Variants in DNAH6 observed in about 807,000 individuals in gnomAD.
DNAH6 encodes axonemal beta dynein heavy chain 6.
In DNAH6, 340 loss-of-function variants were observed where a neutral mutation model predicts 491.4. The ratio of observed to expected loss-of-function variants is 0.69; its 90% CI spans 0.63 to 0.76. The LOEUF (loss-of-function observed/expected upper bound fraction) is 0.76. DNAH6 is among the 30% of genes least tolerant of loss of function. The pLI, the probability that DNAH6 is intolerant of heterozygous loss-of-function variation, is 0.00. For synonymous variants in DNAH6, 1,603 were observed against 1,686.1 expected (o/e 0.95, Z 1.21); for missense variants, 4,443 against 4,972.2 (o/e 0.89, Z 3.20).
chr2:84,591,753 C>T (rs1684137636), intron 16 of DNAH6, among the ~76,000 whole-genome samples: 1 of 152,086 alleles, frequency 6.6e-6, no homozygotes, highest in South Asian at 2.1e-4. Context: ...TACTAGCATG[C>T]ATTCAGACAT....
At chr2:84,516,691 G>C (rs987941930) in intron 1 of DNAH6, 108 bp downstream of exon 1, 5 of 152,326 alleles carry the variant, frequency 3.3e-5, no homozygotes, top group Middle Eastern at 3.4e-3. Context: ...AAAATCAATG[G>C]AAAGGCATTT....
the DNAH6 span, among the ~76,000 whole-genome samples, chr2:84,485,415 G>T: frequency 7.4e-4 from 113 of 152,158 alleles, no homozygotes; most frequent in East Asian, 0.021. Context: ...GGGCCTTTGG[G>T]TGTCCACTCA....
At chr2:84,678,847 TG>T (rs1445855436) in intron 41 of DNAH6, among the ~76,000 whole-genome samples, 1 of 152,214 alleles carries the variant, frequency 6.6e-6, no homozygotes, top group African/African-American at 2.4e-5. Context: ...TGAGAGATTC[TG>T]GGGGCTACCA....
intron 2 of DNAH6, among the ~76,000 whole-genome samples, chr2:84,520,937 A>G (rs1483472460): frequency 6.6e-6 from 1 of 152,078 alleles, no homozygotes; most frequent in Non-Finnish European, 1.5e-5. Context: ...CAGTAGTGGG[A>G]TTACTGGCTC....
chr2:84,480,303 A>T, the DNAH6 span, among the ~76,000 whole-genome samples: 1 of 152,108 alleles, frequency 6.6e-6, no homozygotes, highest in Non-Finnish European at 1.5e-5. Context: ...TAGGACCCAG[A>T]CTCTGTGAAG....
chr2:84,761,587 G>C (rs552019019), intron 63 of DNAH6, among the ~76,000 whole-genome samples: 8 of 152,216 alleles, frequency 5.3e-5, no homozygotes, highest in African/African-American at 1.4e-4. Context: ...AGCTCCAAAC[G>C]TGATGGCCCT....
At chr2:84,804,789 G>A (rs765347099) in intron 70 of DNAH6, among the ~76,000 whole-genome samples, 1 of 151,996 alleles carries the variant, frequency 6.6e-6, no homozygotes, top group South Asian at 2.1e-4. Context: ...ACAGTTCAGT[G>A]GCATTAAGTA....
At position 84,624,994 on chromosome 2, in the gene DNAH6, C is replaced by A; in HGVS notation, c.4446C>A (p.Thr1482=). ...GPAGTGKTET[T]KDLAKALAIQ... Reference sequence around the variant, plus strand: ...CTGGCACTGGGAAAACAGAGACTACCAAAGATCTGGCAAAAGCTCTTGCCA... The same window carrying A: ...CTGGCACTGGGAAAACAGAGACTACAAAAGATCTGGCAAAAGCTCTTGCCA... Residue 1482 remains threonine, a synonymous_variant, in exon 29 of 77, where the codon ACC becomes ACA. Transcript: ENST00000389394. 2 of 1,551,590 alleles carry A rather than the reference C, an allele frequency of 1.3e-6. No individual in the cohort carries two copies. Among genetic ancestry groups the A allele is most frequent in the Non-Finnish European group, 1.7e-6 (2 of 1,146,912 alleles).
intron 75 of DNAH6, among the ~76,000 whole-genome samples, chr2:84,814,457 C>T (rs1680299445): frequency 6.6e-6 from 1 of 152,332 alleles, no homozygotes; most frequent in East Asian, 1.9e-4. Context: ...AATTCTGACA[C>T]TACCTTTCAC....
chr2:84,547,613 G>GT lies in DNAH6; in HGVS notation c.1186+2dup. On this transcript the variant is annotated splice_donor_variant, in intron 7 of 76. Transcript: ENST00000389394. LOFTEE classifies it high-confidence loss of function. Reference sequence around the variant, plus strand: ...GACTGTGCATTTGGACCTTTTGAGGGTATGAAGGGGAAAGAACCTCAATAT... The same window carrying GT: ...GACTGTGCATTTGGACCTTTTGAGGGTTATGAAGGGGAAAGAACCTCAATAT... 2 of 1,551,732 alleles carry GT rather than the reference G, an allele frequency of 1.3e-6. No individual in the cohort carries two copies. Among genetic ancestry groups the GT allele is most frequent in the Non-Finnish European group, 1.7e-6 (2 of 1,146,866 alleles).
intron 9 of DNAH6, among the ~76,000 whole-genome samples, chr2:84,552,414 C>T (rs1679481893): frequency 6.6e-6 from 1 of 152,112 alleles, no homozygotes; most frequent in South Asian, 2.1e-4. Context: ...CTGCAAATGT[C>T]GTTACTGAAT....
At chr2:84,725,904 CT>C (rs1156737724) in intron 60 of DNAH6, among the ~76,000 whole-genome samples, 2 of 152,184 alleles carry the variant, frequency 1.3e-5, no homozygotes, top group African/African-American at 2.4e-5. Context: ...GCTGAGTCCT[CT>C]TTTCTCCTGA....
intron 12 of DNAH6, among the ~76,000 whole-genome samples, chr2:84,577,011 A>C (rs1342315567): frequency 6.6e-6 from 1 of 152,216 alleles, no homozygotes; most frequent in Non-Finnish European, 1.5e-5. Flanking sequence ...TTCATCTGTC[A>C]TCTCTTCATA....
chr2:84,682,754 C>G (rs928812441), intron 42 of DNAH6, among the ~76,000 whole-genome samples: 1 of 152,170 alleles, frequency 6.6e-6, no homozygotes, highest in African/African-American at 2.4e-5. Context: ...AATCTAACCA[C>G]TCCTCACCAC....
intron 33 of DNAH6, among the ~76,000 whole-genome samples, chr2:84,648,016 T>C (rs1690056964): frequency 6.6e-6 from 1 of 152,234 alleles, no homozygotes; most frequent in African/African-American, 2.4e-5. Context: ...CTAATGTTAG[T>C]TCTGTTTAGA....
rs1696150816 is a variant in DNAH6, at chr2:84,703,666, ATAAT to A, written c.8229+108_8229+111del. 1.0e-5 allele frequency: 11 copies of A among 1,084,464 alleles called. 1 individual carries two copies. Among genetic ancestry groups the A allele is most frequent in the South Asian group, 8.2e-5 (3 of 36,514 alleles). The allele number at this position is 1,084,464 out of a possible 1,614,324, so 67.2% of individuals were successfully genotyped here. A position where few individuals can be genotyped will look rare whatever the true frequency, so the allele number is the denominator to read the frequency against. On this transcript the variant is annotated intron_variant, in intron 50 of 76. Coordinates refer to ENST00000389394, the MANE Select transcript of DNAH6 (RefSeq NM_001370.2). ...TTTTTTTATTATATATGTTATTAAAATAATTAAGTGATAGATTTAGCAAAGTTTT... is the reference window on the plus strand; with the variant it reads ...TTTTTTTATTATATATGTTATTAAAATAAGTGATAGATTTAGCAAAGTTTT...
At chr2:84,464,104 G>A in the DNAH6 span, among the ~76,000 whole-genome samples, 1 of 152,102 alleles carries the variant, frequency 6.6e-6, no homozygotes, top group South Asian at 2.1e-4. Flanking sequence ...TTCTGTCTGT[G>A]CTGGCATCTC....
chr2:84,595,609 T>C, intron 17 of DNAH6, 37 bp from the exon 18 acceptor site: 1 of 1,501,172 alleles, frequency 6.7e-7, no homozygotes, highest in South Asian at 1.3e-5. Flanking sequence ...TACTTTATGT[T>C]TTAACTTGTT....
rs553642437 is a variant in DNAH6, at chr2:84,790,966, C to T, written c.11239+3664C>T. 8.6e-5 allele frequency among the ~76,000 whole-genome samples: 13 copies of T among 152,012 alleles called. No homozygotes were observed. The South Asian group carries it at 1.9e-3, about 22-fold the overall frequency. Reference sequence around the variant, plus strand: ...CAGCACTTTGGGAGGCCCAGGTGGGCGAATCATGAGGTCAGGAGTTCGAGA... The same window carrying T: ...CAGCACTTTGGGAGGCCCAGGTGGGTGAATCATGAGGTCAGGAGTTCGAGA... On this transcript the variant is annotated intron_variant, in intron 68 of 76. Coordinates refer to ENST00000389394, the MANE Select transcript of DNAH6 (RefSeq NM_001370.2).
Sources: allele counts gnomAD v4.1 joint callset (sites outside exome capture counted in the v4.1 genomes callset), GRCh38; gene constraint gnomAD v4.1.1; transcripts MANE v1.5; gene names NCBI Gene and HGNC (gene_info 2026-07-23, HGNC 2026-07-21).